ARID1B: variants seen among roughly 807,000 people sequenced by gnomAD.
ARID1B encodes the protein AT-rich interactive domain-containing protein 1B.
ARID1B carries 30 observed loss-of-function variants against 212.3 expected under a neutral mutation model. That is an observed-to-expected ratio of 0.14 (90% CI 0.11 to 0.19). ARID1B has a LOEUF of 0.19. Ranked by LOEUF, ARID1B falls within the 10% of genes least tolerant of loss-of-function variation. The pLI is 1.00. For synonymous variants in ARID1B, 1,402 were observed against 1,301.7 expected (o/e 1.08, Z -1.66); for missense variants, 2,891 against 3,204.0 (o/e 0.90, Z 2.36).
intron 3 of ARID1B, among the ~76,000 whole-genome samples, chr6:156,934,278 A>G (rs553580178): frequency 1.3e-5 from 2 of 151,420 alleles, no homozygotes; most frequent in East Asian, 3.9e-4. Context: ...TTCAGGGGGA[A>G]ACGATGGTAG....
chr6:157,134,327 G>C (rs950164419), intron 7 of ARID1B, among the ~76,000 whole-genome samples: 4 of 152,318 alleles, frequency 2.6e-5, no homozygotes, highest in African/African-American at 9.6e-5. Context: ...TTTTCCGAAA[G>C]ATCTTAAACA....
chr6:156,894,267 C>CGGGGGTGGGGATGGGGGCCG (rs1788198084), intron 2 of ARID1B, among the ~76,000 whole-genome samples: 1 of 26,864 alleles, frequency 3.7e-5, no homozygotes, highest in Non-Finnish European at 6.5e-5. Context: ...TGGTGCTTGC[C>CGGGGGTGGGGATGGGGGCCG]GGGGGTTGGG....
intron 11 of ARID1B, chr6:157,175,553 A>G (rs1214835426): frequency 6.6e-6 from 1 of 152,210 alleles, no homozygotes; most frequent in Non-Finnish European, 1.5e-5. Flanking sequence ...AAAACGTACA[A>G]GTTGTTAGTA....
intron 1 of ARID1B, among the ~76,000 whole-genome samples, chr6:156,823,626 A>T (rs549379521): frequency 6.6e-6 from 1 of 150,954 alleles, no homozygotes; most frequent in South Asian, 2.1e-4. Flanking sequence ...TTTAATCCAC[A>T]TGTGTAGAAA....
intron 2 of ARID1B, among the ~76,000 whole-genome samples, chr6:156,861,892 G>A (rs1274766294): frequency 6.6e-6 from 1 of 152,200 alleles, no homozygotes; most frequent in Non-Finnish European, 1.5e-5. Context: ...ATGTGCAGAA[G>A]CAGTGGGGCC....
intron 6 of ARID1B, among the ~76,000 whole-genome samples, chr6:157,112,342 G>A (rs565376359): frequency 6.6e-6 from 1 of 151,994 alleles, no homozygotes; most frequent in South Asian, 2.1e-4. Flanking sequence ...CTGGTGCCAA[G>A]CAAGCGTGAT....
intron 4 of ARID1B, among the ~76,000 whole-genome samples, chr6:157,013,922 C>G (rs9372035): frequency 0.18 from 27,211 of 152,172 alleles, 2,768 homozygotes; most frequent in East Asian, 0.4. Flanking sequence ...AGTGCCTTGA[C>G]TTTGTACATT....
intron 6 of ARID1B, 54 bp from the exon 7 acceptor site, chr6:157,132,974 T>G: frequency 6.5e-7 from 1 of 1,546,200 alleles, no homozygotes; most frequent in Non-Finnish European, 8.7e-7. Flanking sequence ...TTTTTATGTA[T>G]GCAGAGATTA....
chr6:156,937,691 G>C (rs1056415053), intron 4 of ARID1B: 1 of 152,216 alleles, frequency 6.6e-6, no homozygotes, highest in African/African-American at 2.4e-5. Flanking sequence ...TTGATTGCTG[G>C]AAGAGTGGAT....
At chr6:156,983,001 A>T (rs562772310) in intron 4 of ARID1B, among the ~76,000 whole-genome samples, 2 of 152,060 alleles carry the variant, frequency 1.3e-5, no homozygotes, top group African/African-American at 2.4e-5. Context: ...AGGCTGAGGC[A>T]GGAGAATGGC....
intron 1 of ARID1B, among the ~76,000 whole-genome samples, chr6:156,817,869 G>A (rs768113392): frequency 1.3e-5 from 2 of 151,620 alleles, no homozygotes; most frequent in Non-Finnish European, 2.9e-5. Context: ...TATACATTCC[G>A]CTTCTTTACT....
chr6:157,071,610 C>G (rs988504257), intron 4 of ARID1B: 2 of 152,232 alleles, frequency 1.3e-5, no homozygotes, highest in Non-Finnish European at 2.9e-5. Flanking sequence ...CAGGCGCTAC[C>G]TGTACCTGAA....
chr6:156,914,879 A>G (rs1408153070), intron 3 of ARID1B, among the ~76,000 whole-genome samples: 2 of 151,404 alleles, frequency 1.3e-5, no homozygotes, highest in Non-Finnish European at 1.5e-5. Flanking sequence ...GCTCTTCTCT[A>G]TCAAGCCCAC....
chr6:157,136,811 G>A (rs149110088), intron 7 of ARID1B, among the ~76,000 whole-genome samples: 4,717 of 152,024 alleles, frequency 0.031, 255 homozygotes, highest in African/African-American at 0.11. Context: ...GCAGTGAGCC[G>A]AGATCATGCC....
chr6:157,029,928 A>G (rs182046058), intron 4 of ARID1B, among the ~76,000 whole-genome samples: 52 of 152,316 alleles, frequency 3.4e-4, no homozygotes, highest in Middle Eastern at 3.4e-3. Flanking sequence ...ATGCTTTCAG[A>G]ACTTCCTTTA....
intron 6 of ARID1B, among the ~76,000 whole-genome samples, chr6:157,126,260 C>A (rs1788130246): frequency 6.6e-6 from 1 of 152,132 alleles, no homozygotes; most frequent in South Asian, 2.1e-4. Context: ...GGTGAATGAT[C>A]TTGTAAGCCA....
chr6:156,847,937 T>C (rs954632945), intron 2 of ARID1B, among the ~76,000 whole-genome samples: 1 of 152,118 alleles, frequency 6.6e-6, no homozygotes, highest in Admixed American at 6.5e-5. Context: ...GGTGTTGTAA[T>C]TGAGACCCCA....
At chr6:156,840,050 A>T (rs192872378) in intron 2 of ARID1B, among the ~76,000 whole-genome samples, 1 of 152,128 alleles carries the variant, frequency 6.6e-6, no homozygotes, top group East Asian at 1.9e-4. Flanking sequence ...GACAGTTCCA[A>T]AGTTTTTCTT....
intron 13 of ARID1B, chr6:157,186,505 C>T (rs1792986554): frequency 4.2e-6 from 2 of 471,198 alleles, no homozygotes; most frequent in South Asian, 1.5e-5. Flanking sequence ...CTTCAGAAGC[C>T]TCTCGATTCA....
Sources: gnomAD v4.1 joint callset for allele counts (sites outside exome capture counted in the v4.1 genomes callset) on GRCh38, gnomAD v4.1.1 for gene constraint, MANE v1.5 for transcripts, NCBI Gene and HGNC (gene_info 2026-07-23, HGNC 2026-07-21) for gene names.